GPC5: variants seen among roughly 807,000 people sequenced by gnomAD.
The protein encoded by GPC5 is glypican-5.
Under a neutral mutation model 53.9 loss-of-function variants are expected in GPC5, and 47 were observed. That is an observed-to-expected ratio of 0.87 (90% CI 0.69 to 1.11). The LOEUF is 1.11. GPC5 is among the 50% of genes most tolerant of loss of function. The probability of loss-of-function intolerance (pLI) is 0.00; values close to 1 mark genes in which losing one functional copy is unlikely to be tolerated. For synonymous variants in GPC5, 286 were observed against 263.3 expected, an observed-to-expected ratio of 1.09 and a Z score of -0.84; for missense variants, 748 against 713.1, an observed-to-expected ratio of 1.05 and a Z score of -0.56.
intron 7 of GPC5, among the ~76,000 whole-genome samples, chr13:92,691,785 T>C (rs1258680049): frequency 1.3e-5 from 2 of 151,736 alleles, no homozygotes; most frequent in Non-Finnish European, 2.9e-5. Flanking sequence ...TTTTTTTTTA[T>C]ACCTTAAACT....
chr13:91,987,073 G>C (rs969189504), intron 6 of GPC5, among the ~76,000 whole-genome samples: 1 of 152,200 alleles, frequency 6.6e-6, no homozygotes, highest in African/African-American at 2.4e-5. Context: ...AGCCAGGATG[G>C]CATAAATGAA....
intron 2 of GPC5, among the ~76,000 whole-genome samples, chr13:91,500,023 C>T (rs1229342142): frequency 6.6e-6 from 1 of 152,174 alleles, no homozygotes; most frequent in East Asian, 1.9e-4. Flanking sequence ...AAACTCTTCT[C>T]TTAGGTATCC....
chr13:92,418,111 AAGAAAAT>A (rs1382926452), intron 7 of GPC5, among the ~76,000 whole-genome samples: 1 of 152,186 alleles, frequency 6.6e-6, no homozygotes, highest in Non-Finnish European at 1.5e-5. Flanking sequence ...TTTATAGAGA[AAGAAAAT>A]AGATTGGTGA....
At chr13:92,751,302 TTAAAAAAAAA>T (rs1309091476) in intron 7 of GPC5, among the ~76,000 whole-genome samples, 22 of 34,422 alleles carry the variant, frequency 6.4e-4, no homozygotes, top group Admixed American at 2.7e-3. Flanking sequence ...CCAGAAACAT[TTAAAAAAAAA>T]AAAAAAAAAA....
chr13:91,677,611 T>G (rs2035413834), intron 2 of GPC5, among the ~76,000 whole-genome samples: 1 of 152,198 alleles, frequency 6.6e-6, no homozygotes, highest in South Asian at 2.1e-4. Flanking sequence ...TTCCAAGCAC[T>G]TTGATCTTGC....
chr13:91,570,641 A>G (rs1398504148), intron 2 of GPC5, among the ~76,000 whole-genome samples: 2 of 152,182 alleles, frequency 1.3e-5, no homozygotes, highest in Admixed American at 1.3e-4. Flanking sequence ...AAATTCCTTT[A>G]GTTAGTAAAT....
chr13:91,582,539 T>C (rs2032404717), intron 2 of GPC5, among the ~76,000 whole-genome samples: 1 of 152,062 alleles, frequency 6.6e-6, no homozygotes, highest in Non-Finnish European at 1.5e-5. Context: ...AAACACAAAC[T>C]TGAAAAAAAT....
At chr13:92,229,526 G>C (rs1244661571) in intron 7 of GPC5, among the ~76,000 whole-genome samples, 2 of 152,038 alleles carry the variant, frequency 1.3e-5, no homozygotes, top group African/African-American at 4.8e-5. Flanking sequence ...AGAAAGGAAA[G>C]CTGAAATGAA....
intron 7 of GPC5, among the ~76,000 whole-genome samples, chr13:92,659,873 C>A (rs940725190): frequency 6.6e-6 from 1 of 152,078 alleles, no homozygotes; most frequent in Non-Finnish European, 1.5e-5. Flanking sequence ...AGAATGGGAA[C>A]GAGCATGTGC....
rs1315478036 is a variant in GPC5, at chr13:92,740,438, G to A, written c.1562-125844G>A. ...TGGGCTTGGCAGATATTTTGTTACC[G>A]TGTTCTTAGCTACTGTCCAATTGTG... On this transcript the variant is annotated intron_variant, in intron 7 of 7. Coordinates refer to ENST00000377067, the MANE Select transcript of GPC5 (RefSeq NM_004466.6). 2.6e-5 allele frequency among the ~76,000 whole-genome samples: 4 copies of A among 152,086 alleles called. No homozygotes were observed. The East Asian group carries it at 5.8e-4, about 22-fold the overall frequency.
chr13:92,567,631 A>C (rs1038532272), intron 7 of GPC5, among the ~76,000 whole-genome samples: 19 of 152,170 alleles, frequency 1.2e-4, no homozygotes, highest in African/African-American at 4.3e-4. Context: ...TGTGAAATAC[A>C]GGACTCTCAG....
At chr13:92,076,164 G>T (rs1048280965) in intron 6 of GPC5, among the ~76,000 whole-genome samples, 7 of 151,962 alleles carry the variant, frequency 4.6e-5, no homozygotes, top group Non-Finnish European at 1.0e-4. Context: ...CGCCTCCCGG[G>T]TTCACGCCAT....
At chr13:92,203,253 A>T (rs1403912576) in intron 7 of GPC5, among the ~76,000 whole-genome samples, 3 of 151,388 alleles carry the variant, frequency 2.0e-5, no homozygotes, top group Non-Finnish European at 4.4e-5. Flanking sequence ...TCCAACAATG[A>T]TAGACTGGAT....
At chr13:91,961,119 T>G (rs957194516) in intron 6 of GPC5, among the ~76,000 whole-genome samples, 1 of 151,618 alleles carries the variant, frequency 6.6e-6, no homozygotes, top group Admixed American at 6.6e-5. Context: ...ACTGTTGAAA[T>G]GAAAAGAAAA....
At chr13:92,225,074 TACCACC>T (rs200672732) in intron 7 of GPC5, among the ~76,000 whole-genome samples, 5,916 of 152,192 alleles carry the variant, frequency 0.039, 404 homozygotes, top group African/African-American at 0.13. Context: ...CCTAGCCCCA[TACCACC>T]TGTTGCCCCA....
intron 7 of GPC5, among the ~76,000 whole-genome samples, chr13:92,354,473 C>G (rs2043505884): frequency 6.6e-6 from 1 of 152,176 alleles, no homozygotes; most frequent in Non-Finnish European, 1.5e-5. Flanking sequence ...CCATTTTGCA[C>G]AATTTTAGAC....
intron 2 of GPC5, chr13:91,486,984 C>T (rs893612264): frequency 2.6e-5 from 4 of 152,006 alleles, no homozygotes; most frequent in Non-Finnish European, 5.9e-5. Flanking sequence ...GATGTGGGGG[C>T]TAGGGAATTG....
Position 91,756,043 on chromosome 13 carries a change from C to A in GPC5, c.1155-252C>A, listed in dbSNP as rs190882995. Among the ~76,000 whole-genome samples, 10 of 132,268 alleles carry A rather than the reference C, an allele frequency of 7.6e-5. No homozygotes were observed. In the East Asian group the frequency reaches 1.9e-3, roughly 25 times the overall value. 86.8% of individuals were successfully genotyped at this position (132,268 alleles called of 152,430 possible). On this transcript the variant is annotated intron_variant, in intron 4 of 7. Coordinates refer to ENST00000377067, the MANE Select transcript of GPC5 (RefSeq NM_004466.6). Reference sequence around the variant, plus strand: ...TCATACCCAGTGAACCTTTTTATTCCAAGAATAAACTAAAATACTAGCTTT... The same window carrying A: ...TCATACCCAGTGAACCTTTTTATTCAAAGAATAAACTAAAATACTAGCTTT...
In GPC5 at chr13:92,834,233, G is replaced by A. The variant is rs551562457; in HGVS notation, c.1562-32049G>A. On this transcript the variant is annotated intron_variant, in intron 7 of 7. Transcript: ENST00000377067. ...TACCTAATTCATGAAATAAAGCCTTGTCATTTATTCACAAGATAATTATTT... is the reference window on the plus strand; with the variant it reads ...TACCTAATTCATGAAATAAAGCCTTATCATTTATTCACAAGATAATTATTT... Among the ~76,000 whole-genome samples the A allele has an allele frequency of 3.3e-5, 5 of 152,204 alleles. No homozygotes were observed. The South Asian group carries it at 6.2e-4, about 19-fold the overall frequency.
Sources: gnomAD v4.1 joint callset for allele counts (sites outside exome capture counted in the v4.1 genomes callset) on GRCh38, gnomAD v4.1.1 for gene constraint, MANE v1.5 for transcripts, NCBI Gene and HGNC (gene_info 2026-07-23, HGNC 2026-07-21) for gene names.